USP15: variants seen among roughly 807,000 people sequenced by gnomAD.
The protein encoded by USP15 is ubiquitin carboxyl-terminal hydrolase 15.
A neutral mutation model predicts 127.1 loss-of-function variants in USP15; 18 were observed. The observed-to-expected ratio is 0.14, with a 90% confidence interval of 0.10 to 0.21. The LOEUF (loss-of-function observed/expected upper bound fraction) is 0.21. Among genes scored for constraint, USP15 ranks in the 10% least tolerant of loss-of-function variants. The pLI, the probability that USP15 is intolerant of heterozygous loss-of-function variation, is 1.00. For missense variants in USP15, 805 were observed against 1,159.9 expected (o/e 0.69, Z 4.44); for synonymous variants, 364 against 393.7 (o/e 0.92, Z 0.89).
chr12:62,289,320 C>T (rs2063881398), intron 1 of USP15, among the ~76,000 whole-genome samples: 1 of 151,972 alleles, frequency 6.6e-6, no homozygotes, highest in South Asian at 2.1e-4. Context: ...CTTTCTGGTT[C>T]AGTACAATCT....
chr12:62,411,672 C>G lies in USP15; in HGVS notation c.*7297C>G, dbSNP rs1028577421. 6.6e-6 allele frequency: 1 copy of G among 152,186 alleles called. No individual in the cohort carries two copies. Among genetic ancestry groups the G allele is most frequent in the African/African-American group, 2.4e-5 (1 of 41,424 alleles). 9.4% of individuals were successfully genotyped at this position (152,186 alleles called of 1,614,324 possible). A position where few individuals can be genotyped will look rare whatever the true frequency, so the allele number is the denominator to read the frequency against. ...TCATAGTCTGCTCAGGCTGCCATAA[C>G]AAACACAGACTGGGTGGCTTAAATA... On this transcript the variant is annotated 3_prime_UTR_variant, in exon 22 of 22. Coordinates refer to ENST00000280377, the MANE Select transcript of USP15 (RefSeq NM_001252078.2).
intron 2 of USP15, among the ~76,000 whole-genome samples, chr12:62,295,046 A>G (rs1482682858): frequency 6.6e-6 from 1 of 152,234 alleles, no homozygotes; most frequent in Non-Finnish European, 1.5e-5. Context: ...AGTTGAGGAA[A>G]CAGAGTTTGC....
chr12:62,293,425 C>T (rs931663094), intron 1 of USP15, among the ~76,000 whole-genome samples: 2 of 152,072 alleles, frequency 1.3e-5, no homozygotes, highest in East Asian at 1.9e-4. Flanking sequence ...GGTGCGATCC[C>T]GGCTCACTGC....
At chr12:62,383,133 C>T (rs993630163) in intron 9 of USP15, among the ~76,000 whole-genome samples, 5 of 151,680 alleles carry the variant, frequency 3.3e-5, no homozygotes, top group East Asian at 1.9e-4. Flanking sequence ...TCCTGTTGTT[C>T]GTGTATACAA....
At position 62,413,166 on chromosome 12, in the gene USP15, A is replaced by G. The variant is rs769043900; in HGVS notation, c.*8791A>G. On this transcript the variant is annotated 3_prime_UTR_variant, in exon 22 of 22. Transcript: ENST00000280377. ...TTTGAAAGGAATCTTTTTCTGAGCA[A>G]TAGATCTCCGCAGTGGGCTTAAAAT... 2 of 152,206 alleles carry G rather than the reference A, an allele frequency of 1.3e-5. No homozygotes were observed. Among genetic ancestry groups the G allele is most frequent in the Non-Finnish European group, 2.9e-5 (2 of 68,038 alleles). 9.4% of individuals were successfully genotyped at this position (152,206 alleles called of 1,614,324 possible).
At chr12:62,327,697 A>T in intron 6 of USP15, 1 of 432,982 alleles carries the variant, frequency 2.3e-6, no homozygotes, top group Non-Finnish European at 4.5e-6. Flanking sequence ...CAACTTTAGT[A>T]CTTGGCTTTG....
intron 1 of USP15, among the ~76,000 whole-genome samples, chr12:62,266,515 T>C (rs1053480187): frequency 2.0e-5 from 3 of 152,128 alleles, no homozygotes; most frequent in Non-Finnish European, 2.9e-5. Context: ...AAACAGTCAA[T>C]TTTGCTATCT....
rs532654258 is a variant in USP15, at chr12:62,376,001, T to C, written c.916-5489T>C. Among the ~76,000 whole-genome samples, 3 of 152,254 alleles carry C rather than the reference T, an allele frequency of 2.0e-5. No individual in the cohort carries two copies. In the East Asian group the frequency reaches 5.8e-4, roughly 29 times the overall value. ...CCAAAAGTCTACCATATATTAAATA[T>C]GAAATTTAGTTTTTTAATCATTACT... On this transcript the variant is annotated intron_variant, in intron 8 of 21. Transcript: ENST00000280377.
chr12:62,403,082 G>GT (rs1255539402), intron 21 of USP15, among the ~76,000 whole-genome samples: 3 of 152,058 alleles, frequency 2.0e-5, no homozygotes, highest in African/African-American at 4.8e-5. Context: ...AGGAAGAATA[G>GT]TTGCTGTTGA....
intron 11 of USP15, 88 bp downstream of exon 11, chr12:62,384,390 A>G (rs1230808384): frequency 2.2e-5 from 21 of 971,552 alleles, no homozygotes; most frequent in Non-Finnish European, 3.0e-5. Context: ...AGTCCTTATT[A>G]TAAAAATTAA....
chr12:62,335,824 C>G, intron 6 of USP15: 1 of 985,280 alleles, frequency 1.0e-6, no homozygotes, highest in Non-Finnish European at 1.2e-6. Context: ...GTTTATTTGA[C>G]CTGTCTTTAG....
chr12:62,285,155 T>C (rs2063754373), intron 1 of USP15, among the ~76,000 whole-genome samples: 2 of 152,198 alleles, frequency 1.3e-5, no homozygotes, highest in Admixed American at 6.5e-5. Context: ...TTTTGTTACA[T>C]GGATGAACTG....
At chr12:62,398,095 G>A (rs1056379479) in intron 20 of USP15, among the ~76,000 whole-genome samples, 5 of 151,420 alleles carry the variant, frequency 3.3e-5, no homozygotes, top group African/African-American at 9.7e-5. Context: ...GGGTTCAAGC[G>A]ATCCTACCAC....
Position 62,325,874 on chromosome 12 carries a change from A to C in USP15, c.624A>C (p.Val208=), listed in dbSNP as rs1054243437. 6.2e-7 allele frequency: 1 copy of C among 1,609,220 alleles called. No homozygotes were observed. The highest frequency in any genetic ancestry group is 8.5e-7 in the Non-Finnish European group (1 of 1,177,158). ...IQDAGLYQGQ[V]LVIEQKNEDG... ...CTTTTATTGTGTCATATTTGCAGGT[A>C]TTAGTGATAGAACAGAAAAATGAAG... is the stretch of plus-strand genomic sequence containing the variant. Residue 208 remains valine (V), a splice_region_variant and synonymous_variant, in exon 6 of 22, where the codon GTA becomes GTC. Transcript: ENST00000280377.
chr12:62,404,096 G>T, intron 21 of USP15, 97 bp from the exon 22 acceptor site: 1 of 1,335,640 alleles, frequency 7.5e-7, no homozygotes, highest in Non-Finnish European at 9.7e-7. Context: ...TTTGATTTAT[G>T]CCCTCTTACC....
chr12:62,303,031 A>G, intron 3 of USP15, 111 bp downstream of exon 3: 1 of 1,298,000 alleles, frequency 7.7e-7, no homozygotes, highest in South Asian at 1.4e-5. Context: ...AGAAAAAGCC[A>G]GCAAAATAAC....
At chr12:62,267,720 T>A (rs1485039113) in intron 1 of USP15, among the ~76,000 whole-genome samples, 1 of 152,062 alleles carries the variant, frequency 6.6e-6, no homozygotes, top group African/African-American at 2.4e-5. Context: ...AAGTCAAAGA[T>A]CTCACAAAGA....
chr12:62,335,283 G>C, intron 6 of USP15: 2 of 1,498,122 alleles, frequency 1.3e-6, no homozygotes, highest in Non-Finnish European at 1.8e-6. Context: ...TAAATAACCT[G>C]ATATTAACTC....
chr12:62,380,057 A>C (rs1258211393), intron 8 of USP15, among the ~76,000 whole-genome samples: 1 of 152,026 alleles, frequency 6.6e-6, no homozygotes, highest in Non-Finnish European at 1.5e-5. Context: ...ACTGCTGAAA[A>C]TATGTATATG....
Sources: gnomAD v4.1 joint callset for allele counts (sites outside exome capture counted in the v4.1 genomes callset) on GRCh38, gnomAD v4.1.1 for gene constraint, MANE v1.5 for transcripts, NCBI Gene and HGNC (gene_info 2026-07-23, HGNC 2026-07-21) for gene names.